Variants in SI observed in about 807,000 individuals in gnomAD.
SI encodes the protein sucrase-isomaltase, also known as sucrase-isomaltase, intestinal.
In SI, 235 loss-of-function variants were observed where a neutral mutation model predicts 253.3. That is an observed-to-expected ratio of 0.93 (90% CI 0.83 to 1.03). SI has a LOEUF of 1.03. Ranked by LOEUF, SI falls within the 50% of genes least tolerant of loss-of-function variation. The pLI is 0.00. For missense variants in SI, 2,442 were observed against 2,211.1 expected (o/e 1.10, Z -2.09); for synonymous variants, 819 against 712.0 (o/e 1.15, Z -2.39).
intron 3 of SI, among the ~76,000 whole-genome samples, chr3:165,072,128 C>T (rs1714616854): frequency 6.6e-6 from 1 of 151,982 alleles, no homozygotes; most frequent in African/African-American, 2.4e-5. Context: ...GATCTATCCT[C>T]ATGTATATGA....
chr3:165,025,250 T>G (rs900328452), intron 25 of SI, among the ~76,000 whole-genome samples: 2 of 151,152 alleles, frequency 1.3e-5, no homozygotes, highest in East Asian at 3.9e-4. Flanking sequence ...GGAAAGAACT[T>G]CAGAGCTTCA....
chr3:165,059,785 CT>C (rs1171760527), intron 10 of SI, 116 bp downstream of exon 10: 23 of 1,057,528 alleles, frequency 2.2e-5, no homozygotes, highest in Non-Finnish European at 3.3e-5. Flanking sequence ...AAAAGGCAGC[CT>C]CTTAATTATA....
intron 10 of SI, 59 bp from the exon 11 acceptor site, chr3:165,059,358 C>A: frequency 6.8e-7 from 1 of 1,478,824 alleles, no homozygotes; most frequent in South Asian, 1.1e-5. Flanking sequence ...CTAATCAAGT[C>A]AATCTTTAAC....
chr3:165,055,738 A>T (rs571427730), intron 12 of SI, among the ~76,000 whole-genome samples: 9 of 152,232 alleles, frequency 5.9e-5, no homozygotes, highest in South Asian at 2.1e-4. Flanking sequence ...ATGAATAAAC[A>T]TGAATATGAT....
At position 165,040,982 on chromosome 3, in the gene SI, G is replaced by C; in HGVS notation, c.2117C>G (p.Ala706Gly). 6.2e-7 allele frequency: 1 copy of C among 1,612,146 alleles called. No homozygotes were observed. The highest frequency in any genetic ancestry group is 8.5e-7 in the Non-Finnish European group (1 of 1,178,572). The change falls in exon 18 of 48, where the codon GCC becomes GGC. Residue 706 changes from alanine to glycine, a missense_variant. Transcript: ENST00000264382. ...LPFLYTLFYKAHVFGETVARP... is the reference protein window; with the variant it reads ...LPFLYTLFYKGHVFGETVARP... Reference sequence around the variant, plus strand: ...TGCTACTGTTTCTCCAAACACATGGGCTTTATAAAACAGAGTGTAGAGGAA... The same window carrying C: ...TGCTACTGTTTCTCCAAACACATGGCCTTTATAAAACAGAGTGTAGAGGAA...
chr3:165,032,174 T>C (rs1712281828), intron 24 of SI, among the ~76,000 whole-genome samples: 1 of 151,240 alleles, frequency 6.6e-6, no homozygotes, highest in African/African-American at 2.4e-5. Flanking sequence ...AGCTAAAACA[T>C]TTGGGATTTT....
intron 17 of SI, 121 bp from the exon 18 acceptor site, chr3:165,041,215 T>A: frequency 2.5e-6 from 2 of 810,552 alleles, no homozygotes; most frequent in Non-Finnish European, 4.1e-6. Flanking sequence ...TATGAGAAAT[T>A]AAAATTATTC....
At chr3:165,083,617 A>G in the SI span, among the ~76,000 whole-genome samples, 2 of 152,014 alleles carry the variant, frequency 1.3e-5, no homozygotes, top group South Asian at 2.1e-4. Context: ...TTTCATACTC[A>G]TTTAATAACA....
intron 44 of SI, among the ~76,000 whole-genome samples, chr3:164,988,796 T>C (rs1013299206): frequency 2.0e-5 from 3 of 152,156 alleles, no homozygotes; most frequent in African/African-American, 7.2e-5. Flanking sequence ...TACACCTATG[T>C]CAGTCTGAGA....
chr3:165,034,722 G>A (rs985678541), intron 22 of SI, among the ~76,000 whole-genome samples: 4 of 151,906 alleles, frequency 2.6e-5, no homozygotes, highest in African/African-American at 7.3e-5. Context: ...GTGCATGCAC[G>A]TGTGCACATG....
intron 12 of SI, among the ~76,000 whole-genome samples, chr3:165,057,880 C>G (rs1006852297): frequency 6.6e-6 from 1 of 151,954 alleles, no homozygotes; most frequent in Non-Finnish European, 1.5e-5. Flanking sequence ...ATCATCCAGA[C>G]AGACAGAAAA....
intron 44 of SI, among the ~76,000 whole-genome samples, chr3:164,991,091 G>T (rs1239412810): frequency 6.6e-6 from 1 of 152,026 alleles, no homozygotes; most frequent in East Asian, 1.9e-4. Flanking sequence ...CCTCCTACAT[G>T]TGCAACATCT....
At position 165,017,761 on chromosome 3, in the gene SI, T is replaced by C; in HGVS notation, c.3633A>G (p.Glu1211=). The change falls in exon 30 of 48, where the codon GAA becomes GAG. Residue 1211 remains glutamate, a splice_region_variant and synonymous_variant. Transcript: ENST00000264382. ...TPEVATKQYH[E]VIGHPVMPAY... ...TTTTAAAAGAAATATGCAATCATAC[T>C]TCATGGTATTGCTTTGTTGCAACTT... is the stretch of plus-strand genomic sequence containing the variant. The C allele has an allele frequency of 1.2e-6, 2 of 1,609,532 alleles. No individual in the cohort carries two copies. The highest frequency in any genetic ancestry group is 1.7e-6 in the Non-Finnish European group (2 of 1,176,404).
chr3:165,073,767 T>C (rs1269354146), intron 3 of SI, among the ~76,000 whole-genome samples: 2 of 152,226 alleles, frequency 1.3e-5, no homozygotes, highest in East Asian at 3.9e-4. Flanking sequence ...CAATACATTA[T>C]AACAATTATT....
intron 41 of SI, 46 bp from the exon 42 acceptor site, chr3:164,992,443 C>T (rs779193878): frequency 3.3e-5 from 40 of 1,210,840 alleles, no homozygotes; most frequent in Non-Finnish European, 4.2e-5. Flanking sequence ...AAATAACTTT[C>T]TTCTGAATAC....
intron 47 of SI, among the ~76,000 whole-genome samples, chr3:164,979,810 T>G (rs1257519290): frequency 6.6e-6 from 1 of 151,900 alleles, no homozygotes; most frequent in East Asian, 1.9e-4. Context: ...CCAGTCATTT[T>G]CAGCCAAAGT....
Position 164,996,598 on chromosome 3 carries a change from G to A in SI, c.4629C>T (p.Thr1543=). 1 of 1,610,122 alleles carries A rather than the reference G, an allele frequency of 6.2e-7. No homozygotes were observed. Among genetic ancestry groups the A allele is most frequent in the Non-Finnish European group, 8.5e-7 (1 of 1,177,126 alleles). The part of the protein sequence containing the change: ...FFNNSEYHLC[T]RWMQLGAFYP... ...AAAATGCTCCAAGTTGCATCCAGCGGGTACAGAGATGATATTCTGAGTTGT... is the reference window on the plus strand; with the variant it reads ...AAAATGCTCCAAGTTGCATCCAGCGAGTACAGAGATGATATTCTGAGTTGT... Residue 1543 remains threonine, a synonymous_variant, in exon 40 of 48, where the codon ACC becomes ACT. Transcript: ENST00000264382.
rs189951566 is a variant in SI, at chr3:165,014,398, G to A, written c.3999+725C>T. On this transcript the variant is annotated intron_variant, in intron 33 of 47. Coordinates refer to ENST00000264382, the MANE Select transcript of SI (RefSeq NM_001041.4). The stretch of plus-strand genomic sequence containing the variant: ...TGAGTAGCTGGGACTACAGGCACCC[G>A]CCACCATGCCCTTCTAATTTTTTTG... Among the ~76,000 whole-genome samples the A allele has an allele frequency of 5.9e-5, 9 of 152,052 alleles. No homozygotes were observed. In the South Asian group the frequency reaches 1.7e-3, roughly 28 times the overall value.
At position 165,060,245 on chromosome 3, in the gene SI, GT is replaced by G. The variant is rs1713920210; in HGVS notation, c.1021-219del. ...AACAAGTTCATGTCTTGTACTTCAC[GT>G]TTTAGTTTGTGTTTAAAAATTAGAA... is the stretch of plus-strand genomic sequence containing the variant. On this transcript the variant is annotated intron_variant, in intron 9 of 47. Coordinates refer to ENST00000264382, the MANE Select transcript of SI (RefSeq NM_001041.4). Among the ~76,000 whole-genome samples the G allele has an allele frequency of 1.3e-5, 2 of 151,770 alleles. 1 individual carries two copies. Among genetic ancestry groups the G allele is most frequent in the South Asian group, 4.1e-4 (2 of 4,826 alleles).
Sources: allele counts gnomAD v4.1 joint callset (sites outside exome capture counted in the v4.1 genomes callset), GRCh38; gene constraint gnomAD v4.1.1; transcripts MANE v1.5; gene names NCBI Gene and HGNC (gene_info 2026-07-23, HGNC 2026-07-21).